ARHGEF7: variants seen among roughly 807,000 people sequenced by gnomAD.
The protein encoded by ARHGEF7 is Rho guanine nucleotide exchange factor 7.
A neutral mutation model predicts 109.8 loss-of-function variants in ARHGEF7; 33 were observed. The observed-to-expected ratio is 0.30, with a 90% CI of 0.23 to 0.40. The LOEUF is 0.40. Among genes scored for constraint, ARHGEF7 ranks in the 10% least tolerant of loss-of-function variants. The pLI is 1.00. For missense variants in ARHGEF7, 938 were observed against 1,098.5 expected (o/e 0.85, Z 2.07); for synonymous variants, 458 against 424.6 (o/e 1.08, Z -0.97).
intron 2 of ARHGEF7, among the ~76,000 whole-genome samples, chr13:111,199,028 T>C (rs977210158): frequency 6.6e-6 from 1 of 152,226 alleles, no homozygotes; most frequent in African/African-American, 2.4e-5. Context: ...ATAGTGCTGA[T>C]GGGTGTGTTT....
At chr13:111,231,811 A>AGGG (rs771589789) in intron 5 of ARHGEF7, among the ~76,000 whole-genome samples, 2 of 152,042 alleles carry the variant, frequency 1.3e-5, no homozygotes, top group Non-Finnish European at 2.9e-5. Context: ...CCGCCCAGTG[A>AGGG]GGGGGTTCAC....
intron 19 of ARHGEF7, chr13:111,293,622 C>G (rs749576978): frequency 5.4e-5 from 53 of 985,314 alleles, no homozygotes; most frequent in Non-Finnish European, 6.1e-5. Flanking sequence ...CATGCACGCT[C>G]TATTTGGTGT....
chr13:111,201,091 AG>A (rs2081164073), intron 2 of ARHGEF7, among the ~76,000 whole-genome samples: 1 of 152,148 alleles, frequency 6.6e-6, no homozygotes, highest in South Asian at 2.1e-4. Flanking sequence ...CTTGATCCCC[AG>A]GCTTGTTGGC....
intron 2 of ARHGEF7, among the ~76,000 whole-genome samples, chr13:111,175,361 G>C (rs928318206): frequency 5.3e-5 from 8 of 152,216 alleles, no homozygotes; most frequent in African/African-American, 1.7e-4. Context: ...GGGAGAGTGA[G>C]GGAATGGGAG....
chr13:111,197,278 C>G (rs796623259), intron 2 of ARHGEF7, among the ~76,000 whole-genome samples: 1 of 151,756 alleles, frequency 6.6e-6, no homozygotes. Flanking sequence ...CCCTGCTGAT[C>G]GGAACAGTTG....
In ARHGEF7 at chr13:111,228,344, G is replaced by C. The variant is rs1374609635; in HGVS notation, c.671-4861G>C. On this transcript the variant is annotated intron_variant, in intron 5 of 21. Coordinates refer to ENST00000646102, the MANE Select transcript of ARHGEF7 (RefSeq NM_001354046.2). This position sits in a 1 kb window ranked among gnomAD's most constrained non-coding sequence, Gnocchi z 4.6. ...TATTAATATCGTCAGGTGTGATAAT[G>C]GTCTGAGGTTAGGGTTTTGAGTTTA... 6.6e-6 allele frequency among the ~76,000 whole-genome samples: 1 copy of C among 152,164 alleles called. No homozygotes were observed. Among genetic ancestry groups the C allele is most frequent in the Non-Finnish European group, 1.5e-5 (1 of 68,030 alleles).
chr13:111,174,902 C>T (rs1438537648), intron 2 of ARHGEF7, among the ~76,000 whole-genome samples: 2 of 152,244 alleles, frequency 1.3e-5, no homozygotes, highest in African/African-American at 4.8e-5. Context: ...TTGTGCAGCA[C>T]ATGTGCTTGT....
chr13:111,180,872 A>G (rs1483464296), intron 2 of ARHGEF7, among the ~76,000 whole-genome samples: 1 of 152,236 alleles, frequency 6.6e-6, no homozygotes, highest in Non-Finnish European at 1.5e-5. Context: ...GATAATATAC[A>G]TAATCTGCAT....
At chr13:111,262,670 A>G (rs1322097267) in intron 8 of ARHGEF7, among the ~76,000 whole-genome samples, 1 of 152,152 alleles carries the variant, frequency 6.6e-6, no homozygotes, top group East Asian at 1.9e-4. Flanking sequence ...GTTACGGGGG[A>G]AACTGCTTAG....
At chr13:111,269,574 G>T (rs2091965204) in intron 9 of ARHGEF7, among the ~76,000 whole-genome samples, 1 of 152,170 alleles carries the variant, frequency 6.6e-6, no homozygotes, top group African/African-American at 2.4e-5. Context: ...GGGTCTTTGT[G>T]CCTCCTTCCC....
chr13:111,280,815 T>C (rs1334825799), intron 15 of ARHGEF7, 138 bp downstream of exon 15: 2 of 1,015,892 alleles, frequency 2.0e-6, no homozygotes, highest in Non-Finnish European at 2.8e-6. Context: ...CACATTTCTC[T>C]GCAGATCTTT....
At chr13:111,117,396 T>C (rs1363963431) in intron 1 of ARHGEF7, among the ~76,000 whole-genome samples, 2 of 152,234 alleles carry the variant, frequency 1.3e-5, no homozygotes, top group Admixed American at 1.3e-4. Context: ...ACTCAACATA[T>C]TCTAAAACTA....
At chr13:111,277,450 A>T (rs2092552754) in intron 12 of ARHGEF7, 137 bp from the exon 13 acceptor site, 2 of 596,278 alleles carry the variant, frequency 3.4e-6, no homozygotes, top group South Asian at 4.4e-5. Context: ...ACCTGATAAA[A>T]CTTGATAGAA....
At position 111,128,499 on chromosome 13, in the gene ARHGEF7, G is replaced by A. The variant is rs545941480; in HGVS notation, c.165+12808G>A. Among the ~76,000 whole-genome samples, 6 of 151,880 alleles carry A rather than the reference G, an allele frequency of 4.0e-5. No individual in the cohort carries two copies. The East Asian group carries it at 7.8e-4, about 20-fold the overall frequency. On this transcript the variant is annotated intron_variant, in intron 1 of 21. Transcript: ENST00000646102. ...CAGAGCGAGACCCTGTCTCAAACAA[G>A]CAAACAAACAAACAAACAAACAAAC...
intron 8 of ARHGEF7, among the ~76,000 whole-genome samples, chr13:111,259,268 G>T (rs559489227): frequency 8.1e-4 from 123 of 152,282 alleles, no homozygotes; most frequent in Admixed American, 1.7e-3. Flanking sequence ...GTTACCATGG[G>T]CCTTGGGTGC....
At chr13:111,124,760 T>A (rs979539463) in intron 1 of ARHGEF7, among the ~76,000 whole-genome samples, 3 of 147,502 alleles carry the variant, frequency 2.0e-5, no homozygotes, top group Non-Finnish European at 2.9e-5. Context: ...CTAGTTTTTT[T>A]TGTTTTGTTT....
intron 5 of ARHGEF7, among the ~76,000 whole-genome samples, chr13:111,221,430 T>G (rs369535933): frequency 5.1e-5 from 1 of 19,800 alleles, no homozygotes; most frequent in East Asian, 4.2e-3. Context: ...TATATCTATA[T>G]ATAGATATAT....
chr13:111,194,555 C>T (rs1376122767), intron 2 of ARHGEF7, among the ~76,000 whole-genome samples: 1 of 152,232 alleles, frequency 6.6e-6, no homozygotes, highest in Admixed American at 6.5e-5. Flanking sequence ...ATTTGACCTG[C>T]TATAGGCAAA....
chr13:111,303,425 A>T lies in ARHGEF7; in HGVS notation c.*312A>T, dbSNP rs2093609727. 1 of 182,684 alleles carries T rather than the reference A, an allele frequency of 5.5e-6. No individual in the cohort carries two copies. The highest frequency in any genetic ancestry group is 5.7e-5 in the Admixed American group (1 of 17,524). 11.3% of individuals were successfully genotyped at this position (182,684 alleles called of 1,614,324 possible). A position where few individuals can be genotyped will look rare whatever the true frequency, so the allele number is the denominator to read the frequency against. ...CTTGTTTTTCCAGACTTTGAATTGA[A>T]TATATAAATATTATATATACATGTT... On this transcript the variant is annotated 3_prime_UTR_variant, in exon 22 of 22. Transcript: ENST00000646102.
Sources: allele counts gnomAD v4.1 joint callset (sites outside exome capture counted in the v4.1 genomes callset), GRCh38; gene constraint gnomAD v4.1.1; non-coding constraint Gnocchi (gnomAD v3.1); transcripts MANE v1.5; gene names NCBI Gene and HGNC (gene_info 2026-07-23, HGNC 2026-07-21).